Variants in SLC25A42 observed in about 807,000 individuals in gnomAD.
The protein encoded by SLC25A42 is mitochondrial coenzyme A transporter SLC25A42.
A neutral mutation model predicts 34.7 loss-of-function variants in SLC25A42; 19 were observed. That is an observed-to-expected ratio of 0.55 (90% confidence interval 0.38 to 0.80). SLC25A42 has a LOEUF of 0.80. Ranked by LOEUF, SLC25A42 falls within the 30% of genes least tolerant of loss-of-function variation. The pLI is 0.00. For missense variants in SLC25A42, 364 were observed against 441.3 expected, an observed-to-expected ratio of 0.82 and a Z score of 1.57; for synonymous variants, 205 against 191.2, an observed-to-expected ratio of 1.07 and a Z score of -0.59.
At chr19:19,068,847 A>C (rs938724042) in intron 1 of SLC25A42, among the ~76,000 whole-genome samples, 1 of 149,612 alleles carries the variant, frequency 6.7e-6, no homozygotes, top group African/African-American at 2.5e-5. Context: ...CAAATAAATA[A>C]ATAAATAAAT....
At chr19:19,106,787 G>A (rs1282322440) in intron 6 of SLC25A42, 2 of 152,292 alleles carry the variant, frequency 1.3e-5, no homozygotes, top group African/African-American at 2.4e-5. Flanking sequence ...ACAAAAATTA[G>A]CCGGGCGTGG....
intron 7 of SLC25A42, among the ~76,000 whole-genome samples, chr19:19,108,286 C>G (rs34992005): frequency 6.6e-6 from 1 of 152,120 alleles, no homozygotes; most frequent in East Asian, 1.9e-4. Context: ...TGCCACGGCT[C>G]GTGCCTGTAA....
intron 1 of SLC25A42, among the ~76,000 whole-genome samples, chr19:19,068,091 C>T (rs2059611368): frequency 6.6e-6 from 1 of 152,182 alleles, no homozygotes; most frequent in Non-Finnish European, 1.5e-5. Flanking sequence ...CACAGTGGCT[C>T]ACACCTGTAA....
intron 1 of SLC25A42, among the ~76,000 whole-genome samples, chr19:19,091,205 C>G (rs761009517): frequency 1.3e-5 from 2 of 152,130 alleles, no homozygotes; most frequent in African/African-American, 4.8e-5. Flanking sequence ...GCCTGTAATC[C>G]CAGCACTTTA....
intron 3 of SLC25A42, among the ~76,000 whole-genome samples, chr19:19,102,167 C>A (rs1401749985): frequency 7.2e-5 from 11 of 151,908 alleles, no homozygotes; most frequent in Admixed American, 3.3e-4. Flanking sequence ...CGCCACCATG[C>A]CCGGCCAATT....
At chr19:19,103,130 G>A (rs1027227177) in intron 3 of SLC25A42, among the ~76,000 whole-genome samples, 2 of 152,066 alleles carry the variant, frequency 1.3e-5, no homozygotes, top group Non-Finnish European at 2.9e-5. Flanking sequence ...GCCTAGCTCT[G>A]TCACCCAGGC....
rs892851008 is a variant in SLC25A42, at chr19:19,081,753, C to T, written c.-34-14338C>T. Among the ~76,000 whole-genome samples the T allele has an allele frequency of 2.0e-5, 3 of 152,196 alleles. No individual in the cohort carries two copies. The highest frequency in any genetic ancestry group is 2.1e-4 in the South Asian group (1 of 4,824). The stretch of plus-strand genomic sequence containing the variant: ...ACCGTCCAGGCCCTACGCTGTCACC[C>T]GAGTGGTCCCGTGGTGTCCTCTGGC... On this transcript the variant is annotated intron_variant, in intron 1 of 7. Coordinates refer to ENST00000318596, the MANE Select transcript of SLC25A42 (RefSeq NM_178526.5). The surrounding 1 kb of genome is among the most constrained non-coding windows in gnomAD (Gnocchi z 4.5).
At chr19:19,101,341 GAC>G (rs772181645) in intron 2 of SLC25A42, among the ~76,000 whole-genome samples, 2 of 152,166 alleles carry the variant, frequency 1.3e-5, no homozygotes, top group Non-Finnish European at 2.9e-5. Flanking sequence ...GGGACACGCT[GAC>G]ACAGAGTCAG....
At chr19:19,082,608 C>T (rs1372785333) in intron 1 of SLC25A42, among the ~76,000 whole-genome samples, 1 of 152,030 alleles carries the variant, frequency 6.6e-6, no homozygotes, top group Admixed American at 6.6e-5. Context: ...ATTGATCCAC[C>T]TGCCTTGGCC....
intron 1 of SLC25A42, among the ~76,000 whole-genome samples, chr19:19,093,412 T>C (rs762991437): frequency 9.9e-5 from 15 of 152,220 alleles, no homozygotes; most frequent in Non-Finnish European, 1.2e-4. Context: ...CCTCTCACAG[T>C]GCTGTGCTGC....
intron 1 of SLC25A42, among the ~76,000 whole-genome samples, chr19:19,068,296 A>G (rs2059612330): frequency 6.6e-6 from 1 of 151,192 alleles, no homozygotes; most frequent in Non-Finnish European, 1.5e-5. Flanking sequence ...TGGAGGTTGC[A>G]GTGAGCTGAG....
At chr19:19,090,508 A>ATGGGCAAATC (rs2059732615) in intron 1 of SLC25A42, among the ~76,000 whole-genome samples, 1 of 152,162 alleles carries the variant, frequency 6.6e-6, no homozygotes, top group African/African-American at 2.4e-5. Flanking sequence ...GATTAGAGTC[A>ATGGGCAAATC]TGGGCAAATC....
chr19:19,082,644 T>C (rs1470222262), intron 1 of SLC25A42, among the ~76,000 whole-genome samples: 1 of 151,800 alleles, frequency 6.6e-6, no homozygotes, highest in Non-Finnish European at 1.5e-5. Flanking sequence ...ATTACAAGCA[T>C]GAGCCACTGA....
In SLC25A42 at chr19:19,111,116, C is replaced by T. The variant is rs2059862807; in HGVS notation, c.*240C>T. ...GGTCCCGCAGCTCCCCTCTTCCTTC[C>T]TCTGCAGACGCTGGCGCTGTCTGCC... On this transcript the variant is annotated 3_prime_UTR_variant, in exon 8 of 8. Coordinates refer to ENST00000318596, the MANE Select transcript of SLC25A42 (RefSeq NM_178526.5). 4 of 567,696 alleles carry T rather than the reference C, an allele frequency of 7.0e-6. No individual in the cohort carries two copies. The highest frequency in any genetic ancestry group is 6.2e-5 in the South Asian group (3 of 48,488). The allele number at this position is 567,696 out of a possible 1,614,324, so 35.2% of individuals were successfully genotyped here. A position where few individuals can be genotyped will look rare whatever the true frequency, so the allele number is the denominator to read the frequency against.
At chr19:19,105,326 C>G in intron 4 of SLC25A42, 1 of 592,250 alleles carries the variant, frequency 1.7e-6, no homozygotes. Context: ...CCCAAGAGAA[C>G]TTGGTGGGGT....
intron 1 of SLC25A42, among the ~76,000 whole-genome samples, chr19:19,091,032 AAAGAC>A (rs2059735642): frequency 6.6e-6 from 1 of 152,192 alleles, no homozygotes; most frequent in Non-Finnish European, 1.5e-5. Context: ...TGCTGTGACA[AAAGAC>A]AAAAGCGTGA....
chr19:19,094,180 C>T (rs1364369097), intron 1 of SLC25A42, among the ~76,000 whole-genome samples: 2 of 152,204 alleles, frequency 1.3e-5, no homozygotes, highest in Non-Finnish European at 2.9e-5. Flanking sequence ...GGAAAGAAGC[C>T]GCTAAGCGCA....
intron 1 of SLC25A42, among the ~76,000 whole-genome samples, chr19:19,086,106 A>G (rs576941073): frequency 7.9e-5 from 12 of 152,322 alleles, no homozygotes; most frequent in African/African-American, 2.9e-4. Flanking sequence ...TGGACTTGGC[A>G]TGCCCCAGAA....
intron 6 of SLC25A42, among the ~76,000 whole-genome samples, chr19:19,107,569 T>C (rs1029620290): frequency 7.2e-5 from 11 of 151,942 alleles, no homozygotes; most frequent in Admixed American, 4.6e-4. Context: ...AGGCAGAGGT[T>C]GCAGTGAGCC....
Sources: allele counts gnomAD v4.1 joint callset (sites outside exome capture counted in the v4.1 genomes callset), GRCh38; gene constraint gnomAD v4.1.1; non-coding constraint Gnocchi (gnomAD v3.1); transcripts MANE v1.5; gene names NCBI Gene and HGNC (gene_info 2026-07-23, HGNC 2026-07-21).